Variants in PHF24 observed in about 807,000 individuals in gnomAD.
PHF24 encodes PHD finger protein 24, also known as Galpha inhibitory interacting protein.
Under a neutral mutation model 42.6 loss-of-function variants are expected in PHF24, and 25 were observed. The observed-to-expected ratio is 0.59, with a 90% CI of 0.43 to 0.82. The LOEUF is 0.82. Among genes scored for constraint, PHF24 ranks in the 40% least tolerant of loss-of-function variants. The pLI, the probability that PHF24 is intolerant of heterozygous loss-of-function variation, is 0.00. For synonymous variants in PHF24, 185 were observed against 204.8 expected, an observed-to-expected ratio of 0.90 and a Z score of 0.83; for missense variants, 470 against 538.1, an observed-to-expected ratio of 0.87 and a Z score of 1.25.
At chr9:34,872,379 CCA>C in the PHF24 span, among the ~76,000 whole-genome samples, 181 of 127,940 alleles carry the variant, frequency 1.4e-3, no homozygotes, top group African/African-American at 4.5e-3. Flanking sequence ...ACAACAGTCC[CCA>C]GAGTGTGATA....
the PHF24 span, among the ~76,000 whole-genome samples, chr9:34,848,421 G>T: frequency 6.6e-6 from 1 of 151,728 alleles, no homozygotes; most frequent in Admixed American, 6.6e-5. Flanking sequence ...ATGGTAGTTT[G>T]TATTTCTGTG....
chr9:34,804,819 G>C, the PHF24 span, among the ~76,000 whole-genome samples: 3 of 152,132 alleles, frequency 2.0e-5, no homozygotes, highest in Non-Finnish European at 4.4e-5. Context: ...TACAGTTTTA[G>C]AACATTCTCA....
the PHF24 span, among the ~76,000 whole-genome samples, chr9:34,857,763 T>G: frequency 1.3e-5 from 2 of 152,238 alleles, no homozygotes; most frequent in African/African-American, 4.8e-5. Context: ...TCCCCCTGAC[T>G]GTATATTTTC....
At chr9:34,892,314 A>C in the PHF24 span, among the ~76,000 whole-genome samples, 1 of 152,196 alleles carries the variant, frequency 6.6e-6, no homozygotes, top group Non-Finnish European at 1.5e-5. Context: ...GCCTCCCATG[A>C]AACCCAGAGT....
the PHF24 span, among the ~76,000 whole-genome samples, chr9:34,695,471 C>T: frequency 8.3e-4 from 127 of 152,292 alleles, 1 homozygote; most frequent in African/African-American, 2.8e-3. Flanking sequence ...TTCTGTGAGC[C>T]GCTGTAGCAA....
At chr9:34,828,688 G>A in the PHF24 span, among the ~76,000 whole-genome samples, 1 of 152,104 alleles carries the variant, frequency 6.6e-6, no homozygotes, top group Non-Finnish European at 1.5e-5. Context: ...TTGGCAACTG[G>A]TTATGCAGTT....
chr9:34,723,147 T>C, the PHF24 span: 9 of 1,451,750 alleles, frequency 6.2e-6, no homozygotes, highest in African/African-American at 2.9e-5. Flanking sequence ...GCTGCAGCAG[T>C]TGGGGAGCCT....
At chr9:34,700,567 C>A in the PHF24 span, among the ~76,000 whole-genome samples, 1 of 152,014 alleles carries the variant, frequency 6.6e-6, no homozygotes, top group Non-Finnish European at 1.5e-5. Flanking sequence ...GAGATCAGGA[C>A]CCTGGTATAG....
At chr9:34,893,775 C>T in the PHF24 span, among the ~76,000 whole-genome samples, 1 of 152,058 alleles carries the variant, frequency 6.6e-6, no homozygotes, top group East Asian at 1.9e-4. Flanking sequence ...AAAAGCTGAA[C>T]TAGGAGAACG....
At chr9:34,887,777 T>G in the PHF24 span, among the ~76,000 whole-genome samples, 1 of 152,176 alleles carries the variant, frequency 6.6e-6, no homozygotes, top group Non-Finnish European at 1.5e-5. Context: ...TTTATACTTC[T>G]TTTCTCTTCC....
chr9:34,849,563 A>G, the PHF24 span, among the ~76,000 whole-genome samples: 10 of 152,112 alleles, frequency 6.6e-5, no homozygotes, highest in Non-Finnish European at 1.2e-4. Context: ...CCAATTTGCC[A>G]GTCTGTGTCT....
At chr9:34,937,170 C>T in the PHF24 span, among the ~76,000 whole-genome samples, 3 of 152,110 alleles carry the variant, frequency 2.0e-5, no homozygotes, top group Admixed American at 6.5e-5. Flanking sequence ...TCATTGAGAA[C>T]GGGCCATGAT....
the PHF24 span, among the ~76,000 whole-genome samples, chr9:34,892,130 C>T: frequency 1.3e-5 from 2 of 152,162 alleles, no homozygotes; most frequent in African/African-American, 4.8e-5. Context: ...ACAGATGTGG[C>T]ACATTGAGGC....
intron 3 of PHF24, among the ~76,000 whole-genome samples, chr9:34,975,627 G>C (rs1827158469): frequency 6.6e-6 from 1 of 151,958 alleles, no homozygotes; most frequent in Non-Finnish European, 1.5e-5. Flanking sequence ...TGTAATAATG[G>C]CATCTTTTAA....
chr9:34,760,325 T>C, the PHF24 span, among the ~76,000 whole-genome samples: 17 of 152,230 alleles, frequency 1.1e-4, no homozygotes, highest in African/African-American at 4.1e-4. Flanking sequence ...AAAATGTGAC[T>C]GACATGCCAC....
At chr9:34,710,979 T>G in the PHF24 span, among the ~76,000 whole-genome samples, 1 of 152,166 alleles carries the variant, frequency 6.6e-6, no homozygotes, top group Admixed American at 6.5e-5. Context: ...TTTGTAGTTA[T>G]TTTCCTAATG....
the PHF24 span, chr9:34,723,657 C>A: frequency 1.3e-6 from 2 of 1,551,660 alleles, no homozygotes; most frequent in Non-Finnish European, 8.7e-7. Context: ...ACTGGCATCA[C>A]CAGCCCATGC....
chr9:34,727,842 T>C, the PHF24 span, among the ~76,000 whole-genome samples: 5 of 152,110 alleles, frequency 3.3e-5, no homozygotes, highest in Admixed American at 6.6e-5. Flanking sequence ...GCAGCTCATC[T>C]CTCCTGAGAC....
At chr9:34,977,448 C>CT in intron 6 of PHF24, 98 bp from the exon 7 acceptor site, 8 of 1,336,128 alleles carry the variant, frequency 6.0e-6, no homozygotes, top group Non-Finnish European at 7.3e-6. Context: ...TCAGAAGAGC[C>CT]TGGATGAGCA....
Sources: gnomAD v4.1 joint callset for allele counts (sites outside exome capture counted in the v4.1 genomes callset) on GRCh38, gnomAD v4.1.1 for gene constraint, MANE v1.5 for transcripts, NCBI Gene and HGNC (gene_info 2026-07-23, HGNC 2026-07-21) for gene names.